Variants in PDE11A observed in about 807,000 individuals in gnomAD.
The protein encoded by PDE11A is dual 3',5'-cyclic-AMP and -GMP phosphodiesterase 11A.
Under a neutral mutation model 100.5 loss-of-function variants are expected in PDE11A, and 100 were observed. The ratio of observed to expected loss-of-function variants is 1.00; its 90% CI spans 0.85 to 1.18. The LOEUF (loss-of-function observed/expected upper bound fraction) is 1.18. Among genes scored for constraint, PDE11A ranks in the 50% most tolerant of loss-of-function variants. The pLI is 0.00. For missense variants in PDE11A, 1,141 were observed against 1,152.6 expected (o/e 0.99, Z 0.15); for synonymous variants, 381 against 420.8 (o/e 0.91, Z 1.16).
chr2:177,944,090 ACTTT>A (rs1244982565), intron 2 of PDE11A, among the ~76,000 whole-genome samples: 2 of 152,082 alleles, frequency 1.3e-5, no homozygotes, highest in South Asian at 2.1e-4. Flanking sequence ...AGAGCATGGG[ACTTT>A]CTTTGTCATT....
intron 9 of PDE11A, among the ~76,000 whole-genome samples, chr2:177,805,159 A>C (rs932768147): frequency 8.6e-5 from 13 of 151,818 alleles, no homozygotes; most frequent in African/African-American, 3.1e-4. Context: ...AGAAATAAAA[A>C]ATAAAATAAA....
At chr2:177,677,913 T>C (rs2080803664) in intron 16 of PDE11A, 1 of 152,238 alleles carries the variant, frequency 6.6e-6, no homozygotes, top group Non-Finnish European at 1.5e-5. Context: ...ATTTCAATAA[T>C]AATCTTGTGA....
intron 1 of PDE11A, among the ~76,000 whole-genome samples, chr2:178,059,530 C>A (rs13030321): frequency 0.1 from 15,229 of 152,226 alleles, 1,050 homozygotes; most frequent in Non-Finnish European, 0.15. Flanking sequence ...CCTAGAAAGA[C>A]CCCTGTTTTC....
chr2:177,917,329 C>T (rs1441216577), intron 2 of PDE11A, among the ~76,000 whole-genome samples: 2 of 152,164 alleles, frequency 1.3e-5, no homozygotes, highest in Non-Finnish European at 2.9e-5. Flanking sequence ...TCCCCTGCTC[C>T]AGCACTGCCA....
chr2:177,985,185 T>C (rs566036392), intron 2 of PDE11A, among the ~76,000 whole-genome samples: 14 of 152,372 alleles, frequency 9.2e-5, no homozygotes, highest in African/African-American at 2.9e-4. Flanking sequence ...CACTGTGCTG[T>C]GACTATTATC....
At chr2:177,922,630 G>C in intron 2 of PDE11A, 2 of 931,818 alleles carry the variant, frequency 2.1e-6, no homozygotes, top group South Asian at 9.9e-5. Context: ...AATTTTACCT[G>C]TTAGTTATGT....
rs899209841 is a variant in PDE11A at position 177,634,536 on chromosome 2, C to T, written c.2647-4974G>A. On this transcript the variant is annotated intron_variant, in intron 19 of 19. Coordinates refer to ENST00000286063, the MANE Select transcript of PDE11A (RefSeq NM_016953.4). The stretch of plus-strand genomic sequence containing the variant: ...CCGAGCAGCTCGGACTACAGGCGCC[C>T]GCCACCACGCCTGGCTAATTTTTTT... Among the ~76,000 whole-genome samples the T allele has an allele frequency of 2.6e-5, 4 of 152,026 alleles. No individual in the cohort carries two copies. The East Asian group carries it at 5.8e-4, about 22-fold the overall frequency.
intron 9 of PDE11A, among the ~76,000 whole-genome samples, chr2:177,801,413 C>A (rs1574156679): frequency 6.6e-6 from 1 of 152,106 alleles, no homozygotes; most frequent in Non-Finnish European, 1.5e-5. Context: ...AAAGTAGAAG[C>A]TCAACAAACA....
chr2:177,804,080 A>C (rs1044721422), intron 9 of PDE11A, among the ~76,000 whole-genome samples: 1 of 152,012 alleles, frequency 6.6e-6, no homozygotes, highest in African/African-American at 2.4e-5. Context: ...AAGCCCTCAA[A>C]AGCAAAGGCA....
intron 19 of PDE11A, among the ~76,000 whole-genome samples, chr2:177,635,278 T>C (rs2080022377): frequency 6.6e-6 from 1 of 152,236 alleles, no homozygotes; most frequent in Non-Finnish European, 1.5e-5. Context: ...AACTCAGGTT[T>C]TGTTTCAAGT....
At chr2:177,807,099 A>C (rs112111443) in intron 9 of PDE11A, among the ~76,000 whole-genome samples, 2 of 152,312 alleles carry the variant, frequency 1.3e-5, no homozygotes, top group African/African-American at 2.4e-5. Flanking sequence ...ACATAAAGTA[A>C]AACACATTTA....
chr2:177,948,277 CATCCATGATTAT>C (rs1213354699), intron 2 of PDE11A, among the ~76,000 whole-genome samples: 1 of 152,142 alleles, frequency 6.6e-6, no homozygotes, highest in African/African-American at 2.4e-5. Context: ...TATCTGTTTG[CATCCATGATTAT>C]TGCCTTCAAG....
chr2:177,845,721 T>G (rs1448555980), intron 5 of PDE11A, among the ~76,000 whole-genome samples: 1 of 152,144 alleles, frequency 6.6e-6, no homozygotes, highest in South Asian at 2.1e-4. Flanking sequence ...ATCAAGCCAC[T>G]GCACTCCAGC....
intron 12 of PDE11A, among the ~76,000 whole-genome samples, chr2:177,713,011 A>AT (rs2081378623): frequency 2.7e-5 from 4 of 147,666 alleles, no homozygotes; most frequent in South Asian, 4.5e-4. Context: ...TGTGTTGACA[A>AT]TTTTATTTTT....
chr2:177,898,311 G>T, intron 3 of PDE11A, 113 bp from the exon 4 acceptor site: 1 of 728,746 alleles, frequency 1.4e-6, no homozygotes, highest in Non-Finnish European at 2.3e-6. Flanking sequence ...TTTTTGTGTA[G>T]CTAATTTTAA....
At chr2:177,651,370 C>G (rs958090709) in intron 19 of PDE11A, among the ~76,000 whole-genome samples, 1 of 152,212 alleles carries the variant, frequency 6.6e-6, no homozygotes, top group Non-Finnish European at 1.5e-5. Flanking sequence ...TTTGTTCAGA[C>G]TCTTGGAAAG....
intron 6 of PDE11A, among the ~76,000 whole-genome samples, chr2:177,827,908 A>C (rs1000306386): frequency 9.9e-5 from 15 of 152,232 alleles, no homozygotes; most frequent in Non-Finnish European, 1.5e-5. Context: ...AGTTGGAATA[A>C]ATCCCAAGAA....
intron 2 of PDE11A, among the ~76,000 whole-genome samples, chr2:178,006,430 C>A (rs1035769557): frequency 1.3e-5 from 2 of 152,074 alleles, no homozygotes; most frequent in African/African-American, 4.8e-5. Context: ...CAGGGTAGAC[C>A]AGTTTTTGTT....
chr2:177,842,583 G>T (rs536987454), intron 5 of PDE11A, among the ~76,000 whole-genome samples: 1 of 152,204 alleles, frequency 6.6e-6, no homozygotes, highest in African/African-American at 2.4e-5. Flanking sequence ...CGTGGTTTAA[G>T]ATGTGATTTT....
Sources: allele counts gnomAD v4.1 joint callset (sites outside exome capture counted in the v4.1 genomes callset), GRCh38; gene constraint gnomAD v4.1.1; transcripts MANE v1.5; gene names NCBI Gene and HGNC (gene_info 2026-07-23, HGNC 2026-07-21).